The following SERGEF variants were observed in gnomAD, a reference collection of about 807,000 sequenced individuals.
SERGEF encodes secretion-regulating guanine nucleotide exchange factor.
A neutral mutation model predicts 50.0 loss-of-function variants in SERGEF; 51 were observed. That is an observed-to-expected ratio of 1.02 (90% CI 0.81 to 1.29). The LOEUF is 1.29. SERGEF is among the 50% of genes most tolerant of loss of function. SERGEF has a pLI of 0.00. For synonymous variants in SERGEF, 205 were observed against 212.4 expected (o/e 0.97, Z 0.30); for missense variants, 521 against 557.0 (o/e 0.94, Z 0.65).
intron 10 of SERGEF, among the ~76,000 whole-genome samples, chr11:17,823,374 G>C (rs1231459954): frequency 6.6e-6 from 1 of 152,124 alleles, no homozygotes; most frequent in Non-Finnish European, 1.5e-5. Context: ...TCCACTGTAA[G>C]GCTATTCCTC....
At chr11:17,920,427 T>C (rs1392649821) in intron 9 of SERGEF, among the ~76,000 whole-genome samples, 3 of 152,220 alleles carry the variant, frequency 2.0e-5, no homozygotes, top group Non-Finnish European at 4.4e-5. Context: ...GTAAACTCCA[T>C]AAAGACAAGG....
chr11:17,884,467 T>C lies in SERGEF; in HGVS notation c.1012-6223A>G, dbSNP rs989496627. 6.6e-6 allele frequency among the ~76,000 whole-genome samples: 1 copy of C among 152,076 alleles called. No homozygotes were observed. Among genetic ancestry groups the C allele is most frequent in the African/African-American group, 2.4e-5 (1 of 41,426 alleles). On this transcript the variant is annotated intron_variant, in intron 9 of 10. Transcript: ENST00000265965. The surrounding 1 kb of genome is among the most constrained non-coding windows in gnomAD (Gnocchi z 4.6). ...TGCCCAAACCCGGTTTCCATCCGTGTATCTCTGGGGTGACAACCAGAATTT... is the reference window on the plus strand; with the variant it reads ...TGCCCAAACCCGGTTTCCATCCGTGCATCTCTGGGGTGACAACCAGAATTT...
chr11:17,993,928 C>G (rs1853773975), intron 6 of SERGEF, among the ~76,000 whole-genome samples: 1 of 152,126 alleles, frequency 6.6e-6, no homozygotes, highest in South Asian at 2.1e-4. Context: ...AGGGAACTCC[C>G]CCAAAACCAA....
At chr11:17,815,530 G>C (rs567818893) in intron 10 of SERGEF, among the ~76,000 whole-genome samples, 1 of 151,342 alleles carries the variant, frequency 6.6e-6, no homozygotes, top group Non-Finnish European at 1.5e-5. Context: ...CAGAAGAATC[G>C]CTTGAACTCA....
At chr11:17,890,167 G>A (rs1253095856) in intron 9 of SERGEF, among the ~76,000 whole-genome samples, 1 of 152,174 alleles carries the variant, frequency 6.6e-6, no homozygotes, top group African/African-American at 2.4e-5. Flanking sequence ...AGCCTGGCTG[G>A]ACAGCTGTGG....
chr11:17,828,915 G>A (rs1312932675), intron 10 of SERGEF, among the ~76,000 whole-genome samples: 2 of 152,148 alleles, frequency 1.3e-5, no homozygotes, highest in Non-Finnish European at 2.9e-5. Flanking sequence ...AAGGCTTCCT[G>A]TGTATAATTG....
intron 8 of SERGEF, 92 bp downstream of exon 8, chr11:17,988,505 G>T: frequency 8.0e-7 from 1 of 1,253,514 alleles, no homozygotes; most frequent in Non-Finnish European, 1.1e-6. Flanking sequence ...GCTTTCATCA[G>T]TAAAAAGGCT....
At chr11:17,813,499 G>A (rs1849910070) in intron 10 of SERGEF, among the ~76,000 whole-genome samples, 2 of 152,200 alleles carry the variant, frequency 1.3e-5, no homozygotes, top group Non-Finnish European at 2.9e-5. Context: ...CCATTAAAAT[G>A]AGAAGCATTT....
Position 17,806,307 on chromosome 11 carries a change from G to A in SERGEF, c.1049-17894C>T, listed in dbSNP as rs978297553. On this transcript the variant is annotated intron_variant, in intron 10 of 10. Transcript: ENST00000265965. ...AGGAGGAAGGAGCAAAGATGAATAC[G>A]ATGGTCCATTTATGTGGAAAATAAC... Among the ~76,000 whole-genome samples the A allele has an allele frequency of 3.9e-5, 6 of 152,322 alleles. 1 individual carries two copies. The highest frequency in any genetic ancestry group is 2.6e-4 in the Admixed American group (4 of 15,306).
At chr11:17,863,569 T>C (rs1375340388) in intron 10 of SERGEF, 1 of 152,270 alleles carries the variant, frequency 6.6e-6, no homozygotes, top group African/African-American at 2.4e-5. Context: ...TTCTTACCTC[T>C]TCATTCTTTC....
chr11:17,880,889 T>C (rs1304518063), intron 9 of SERGEF, among the ~76,000 whole-genome samples: 2 of 152,200 alleles, frequency 1.3e-5, no homozygotes, highest in Non-Finnish European at 2.9e-5. Context: ...GTGGTGGCAG[T>C]AGTAGTGGTG....
chr11:17,903,637 G>C (rs1851787304), intron 9 of SERGEF, among the ~76,000 whole-genome samples: 1 of 152,252 alleles, frequency 6.6e-6, no homozygotes, highest in Admixed American at 6.5e-5. Flanking sequence ...GACATTTCCA[G>C]AGCAGAGCTT....
chr11:17,888,670 CA>C lies in SERGEF; in HGVS notation c.1012-10427del, dbSNP rs1851478172. Among the ~76,000 whole-genome samples the C allele has an allele frequency of 9.2e-6, 1 of 108,538 alleles. No individual in the cohort carries two copies. The highest frequency in any genetic ancestry group is 2.0e-5 in the Non-Finnish European group (1 of 49,748). 71.2% of individuals were successfully genotyped at this position (108,538 alleles called of 152,430 possible). The stretch of plus-strand genomic sequence containing the variant: ...ACACACACACACACACACACACACA[CA>C]CACACACGCATTGAGTTAAACCAAC... On this transcript the variant is annotated intron_variant, in intron 9 of 10. Transcript: ENST00000265965. The surrounding 1 kb of genome is among the most constrained non-coding windows in gnomAD (Gnocchi z 4.1).
In SERGEF at chr11:17,865,122, T is replaced by C. The variant is rs558642686; in HGVS notation, c.1048+13086A>G. ...AACTGGACCATATATACAATGGTAGTCCCATAAGATTATAAGGGAGCTGAA... is the reference window on the plus strand; with the variant it reads ...AACTGGACCATATATACAATGGTAGCCCCATAAGATTATAAGGGAGCTGAA... On this transcript the variant is annotated intron_variant, in intron 10 of 10. Transcript: ENST00000265965. Among the ~76,000 whole-genome samples, 8 of 152,304 alleles carry C rather than the reference T, an allele frequency of 5.3e-5. No individual in the cohort carries two copies. In the East Asian group the frequency reaches 1.3e-3, roughly 26 times the overall value.
chr11:17,923,415 A>G (rs1185490732), intron 9 of SERGEF, among the ~76,000 whole-genome samples: 1 of 152,220 alleles, frequency 6.6e-6, no homozygotes, highest in Non-Finnish European at 1.5e-5. Context: ...GAGGCCAAGA[A>G]AAAATTTCCT....
chr11:18,008,477 C>T (rs1854128876), intron 1 of SERGEF, among the ~76,000 whole-genome samples: 1 of 152,188 alleles, frequency 6.6e-6, no homozygotes, highest in African/African-American at 2.4e-5. Flanking sequence ...AGAAACCACA[C>T]TTTTTTCTAC....
intron 8 of SERGEF, among the ~76,000 whole-genome samples, chr11:17,964,095 G>A (rs1853069311): frequency 6.6e-6 from 1 of 152,152 alleles, no homozygotes; most frequent in Non-Finnish European, 1.5e-5. Context: ...AAGGTGAGTA[G>A]GAAGATGATG....
At chr11:17,790,340 T>G (rs1849460965) in intron 10 of SERGEF, among the ~76,000 whole-genome samples, 2 of 152,072 alleles carry the variant, frequency 1.3e-5, no homozygotes, top group Admixed American at 6.5e-5. Context: ...TTCACATATT[T>G]TTTTTTTTTT....
chr11:17,949,369 C>G (rs926750652), intron 9 of SERGEF, among the ~76,000 whole-genome samples: 1 of 151,872 alleles, frequency 6.6e-6, no homozygotes, highest in African/African-American at 2.4e-5. Context: ...GTGTAAACAA[C>G]AAGGAGGTCC....
Sources: allele counts gnomAD v4.1 joint callset (sites outside exome capture counted in the v4.1 genomes callset), GRCh38; gene constraint gnomAD v4.1.1; non-coding constraint Gnocchi (gnomAD v3.1); transcripts MANE v1.5; gene names NCBI Gene and HGNC (gene_info 2026-07-23, HGNC 2026-07-21).